The following TRIO variants were observed in gnomAD, a reference collection of about 807,000 sequenced individuals.
The protein encoded by TRIO is trio Rho guanine nucleotide exchange factor.
In TRIO, 58 loss-of-function variants were observed where a neutral mutation model predicts 351.9. That is an observed-to-expected ratio of 0.16 (90% CI 0.13 to 0.21). The LOEUF (loss-of-function observed/expected upper bound fraction) is 0.21. Among genes scored for constraint, TRIO ranks in the 10% least tolerant of loss-of-function variants. The pLI is 1.00. For synonymous variants in TRIO, 1,758 were observed against 1,595.7 expected, an observed-to-expected ratio of 1.10 and a Z score of -2.42; for missense variants, 3,201 against 4,027.8, an observed-to-expected ratio of 0.79 and a Z score of 5.56.
intron 1 of TRIO, among the ~76,000 whole-genome samples, chr5:14,183,305 T>G: frequency 6.6e-6 from 1 of 152,272 alleles, no homozygotes; most frequent in East Asian, 1.9e-4. Context: ...GTGACTTCTC[T>G]CCATCAGCAA....
Position 14,465,656 on chromosome 5 carries a change from GAA to G in TRIO, c.5763+18_5763+19del. The G allele has an allele frequency of 6.2e-7, 1 of 1,614,000 alleles. No individual in the cohort carries two copies. Among genetic ancestry groups the G allele is most frequent in the Non-Finnish European group, 8.5e-7 (1 of 1,179,904 alleles). The stretch of plus-strand genomic sequence containing the variant: ...AAGCAAGATGGTGAGGCCTCCCAGA[GAA>G]AGTCTGACTTTTGGAAGCTGCTCTG... On this transcript the variant is annotated intron_variant, in intron 37 of 56. Transcript: ENST00000344204.
intron 48 of TRIO, 144 bp downstream of exon 48, chr5:14,488,404 C>A (rs1756207623): frequency 3.9e-6 from 5 of 1,295,288 alleles, no homozygotes; most frequent in Non-Finnish European, 5.1e-6. Flanking sequence ...CCAGGCTAAC[C>A]CTCCTGCGGG....
chr5:14,316,468 C>T, intron 8 of TRIO, 45 bp from the exon 9 acceptor site: 1 of 1,603,644 alleles, frequency 6.2e-7, no homozygotes. Context: ...ACAGCCTAGG[C>T]CAAACCTCAG....
chr5:14,154,202 C>T (rs1013234474), intron 1 of TRIO, among the ~76,000 whole-genome samples: 7 of 151,994 alleles, frequency 4.6e-5, no homozygotes, highest in African/African-American at 1.7e-4. Context: ...AAATCTCTGG[C>T]TGTTAATGTG....
intron 33 of TRIO, chr5:14,418,866 C>G (rs1173861145): frequency 6.6e-6 from 1 of 152,200 alleles, no homozygotes; most frequent in Non-Finnish European, 1.5e-5. Flanking sequence ...GAGCCCTGTC[C>G]CCACGGAGTT....
intron 27 of TRIO, among the ~76,000 whole-genome samples, chr5:14,393,748 A>G (rs1398030666): frequency 6.6e-6 from 1 of 152,230 alleles, no homozygotes; most frequent in African/African-American, 2.4e-5. Context: ...TTGCATGTAA[A>G]GGACATAATT....
intron 8 of TRIO, among the ~76,000 whole-genome samples, chr5:14,314,117 G>GT (rs775572012): frequency 6.6e-6 from 1 of 152,210 alleles, no homozygotes; most frequent in Non-Finnish European, 1.5e-5. Flanking sequence ...CATGTGAAAT[G>GT]TATGACTTGG....
rs191529176 is a variant in TRIO at position 14,416,923 on chromosome 5, G to A, written c.4960-2855G>A. Among the ~76,000 whole-genome samples the A allele has an allele frequency of 3.3e-5, 5 of 152,312 alleles. No homozygotes were observed. In the East Asian group the frequency reaches 9.7e-4, roughly 29 times the overall value. The stretch of plus-strand genomic sequence containing the variant: ...TGGGTTTCTGCTGGGAGCTTCTCAC[G>A]TGCGCTCAGTGAAGCAGCGGGTGGC... On this transcript the variant is annotated intron_variant, in intron 33 of 56. Transcript: ENST00000344204.
At chr5:14,465,453 AAG>A (rs1403768773) in intron 36 of TRIO, 90 bp from the exon 37 acceptor site, 1 of 1,248,098 alleles carries the variant, frequency 8.0e-7, no homozygotes, top group Non-Finnish European at 1.2e-6. Flanking sequence ...TTACTTTCAC[AAG>A]AGATGGAGCT....
At chr5:14,346,315 T>A (rs1483504365) in intron 11 of TRIO, among the ~76,000 whole-genome samples, 1 of 152,214 alleles carries the variant, frequency 6.6e-6, no homozygotes, top group Non-Finnish European at 1.5e-5. Context: ...AGGGGAGCAC[T>A]CTCCAGACAT....
chr5:14,506,801 C>T (rs6860764), intron 55 of TRIO, among the ~76,000 whole-genome samples: 9 of 152,126 alleles, frequency 5.9e-5, no homozygotes, highest in African/African-American at 1.9e-4. Context: ...CAGCAGATAC[C>T]GCAGGATGCC....
intron 49 of TRIO, among the ~76,000 whole-genome samples, chr5:14,494,751 T>G (rs1306258653): frequency 6.6e-6 from 1 of 151,524 alleles, no homozygotes; most frequent in Non-Finnish European, 1.5e-5. Flanking sequence ...ATACAAAAAT[T>G]CGCTGGGCAT....
intron 1 of TRIO, among the ~76,000 whole-genome samples, chr5:14,200,847 T>G (rs543384906): frequency 5.3e-4 from 81 of 152,374 alleles, no homozygotes; most frequent in African/African-American, 1.9e-3. Context: ...TTAATTTTTC[T>G]TCTCTTTTGT....
chr5:14,403,559 C>T (rs1242581504), intron 31 of TRIO, among the ~76,000 whole-genome samples: 64 of 24,256 alleles, frequency 2.6e-3, no homozygotes, highest in African/African-American at 0.013. Context: ...TGTGAGGGTG[C>T]AGGTTGTGGT....
rs759506714 is a variant in TRIO at position 14,496,907 on chromosome 5, C to T, written c.7909C>T (p.Arg2637Cys). 8.1e-6 allele frequency: 13 copies of T among 1,613,938 alleles called. No homozygotes were observed. The highest frequency in any genetic ancestry group is 1.6e-4 in the Middle Eastern group (1 of 6,084). ...KKSTSWHTAL[R>C]LRKKSEKKDK... Reference sequence around the variant, plus strand: ...GTCAACATCTTGGCACACAGCACTCCGTTTAAGGAAAAAATCTGAGAAAAA... The same window carrying T: ...GTCAACATCTTGGCACACAGCACTCTGTTTAAGGAAAAAATCTGAGAAAAA... The change falls in exon 50 of 57, where the codon CGT becomes TGT. Residue 2637 changes from arginine (R) to cysteine (C), a missense_variant. Transcript: ENST00000344204.
intron 1 of TRIO, among the ~76,000 whole-genome samples, chr5:14,153,924 G>A (rs1330128611): frequency 6.6e-6 from 1 of 152,244 alleles, no homozygotes; most frequent in Non-Finnish European, 1.5e-5. Context: ...AAACTTGAGT[G>A]AAAGATTCCA....
At chr5:14,386,901 T>C (rs1193630743) in intron 21 of TRIO, among the ~76,000 whole-genome samples, 1 of 152,206 alleles carries the variant, frequency 6.6e-6, no homozygotes, top group Non-Finnish European at 1.5e-5. Flanking sequence ...GTTAAAGCAA[T>C]CAACACGACA....
intron 48 of TRIO, chr5:14,488,524 A>G: frequency 1.9e-6 from 1 of 537,828 alleles, no homozygotes; most frequent in South Asian, 3.1e-5. Flanking sequence ...TCCATTTCCA[A>G]CCAGCAGAAT....
At position 14,351,628 on chromosome 5, in the gene TRIO, C is replaced by T. The variant is rs577232406; in HGVS notation, c.2047-6550C>T. Among the ~76,000 whole-genome samples, 9 of 152,334 alleles carry T rather than the reference C, an allele frequency of 5.9e-5. No individual in the cohort carries two copies. In the East Asian group the frequency reaches 1.7e-3, roughly 29 times the overall value. The stretch of plus-strand genomic sequence containing the variant: ...TCCGGCTTCCCAGTTAGAGAAGATG[C>T]ATGTAGTAAAATGCTTTCATTACAT... On this transcript the variant is annotated intron_variant, in intron 11 of 56. Transcript: ENST00000344204.
Sources: allele counts gnomAD v4.1 joint callset (sites outside exome capture counted in the v4.1 genomes callset), GRCh38; gene constraint gnomAD v4.1.1; transcripts MANE v1.5; gene names NCBI Gene and HGNC (gene_info 2026-07-23, HGNC 2026-07-21).